The following RAPGEF2 variants were observed in gnomAD, a reference collection of about 807,000 sequenced individuals.
The protein encoded by RAPGEF2 is PDZ domain containing guanine nucleotide exchange factor (GEF) 1.
RAPGEF2 carries 54 observed loss-of-function variants against 186.7 expected under a neutral mutation model. The ratio of observed to expected loss-of-function variants is 0.29; its 90% CI spans 0.23 to 0.36. The LOEUF is 0.36. RAPGEF2 is among the 10% of genes least tolerant of loss of function. The pLI is 1.00. For missense variants in RAPGEF2, 1,532 were observed against 2,045.0 expected (o/e 0.75, Z 4.84); for synonymous variants, 712 against 705.9 (o/e 1.01, Z -0.14).
chr4:159,186,741 T>C (rs1747593046), intron 2 of RAPGEF2, 29 bp downstream of exon 2: 1 of 1,258,960 alleles, frequency 7.9e-7, no homozygotes, highest in Non-Finnish European at 1.1e-6. Flanking sequence ...CAGTTAATCA[T>C]AGAATGGTAA....
rs1344596193 is a variant in RAPGEF2, at chr4:159,343,009, G to C, written c.2949G>C (p.Leu983=). 1 of 1,613,970 alleles carries C rather than the reference G, an allele frequency of 6.2e-7. No individual in the cohort carries two copies. Among genetic ancestry groups the C allele is most frequent in the Non-Finnish European group, 8.5e-7 (1 of 1,179,932 alleles). ...TAAACCTGGCACCAGTGGCAAGACTGCGAACGACCTGGGAGAAACTTCCCA... is the reference window on the plus strand; with the variant it reads ...TAAACCTGGCACCAGTGGCAAGACTCCGAACGACCTGGGAGAAACTTCCCA... ...SGLNLAPVAR[L]RTTWEKLPNK... is the part of the protein sequence containing the mutation. The change falls in exon 21 of 30, where the codon CTG becomes CTC. Residue 983 remains leucine (L), a synonymous_variant. Coordinates refer to ENST00000691494, the MANE Select transcript of RAPGEF2 (RefSeq NM_001394067.2).
At chr4:159,339,556 A>G (rs1767937698) in intron 19 of RAPGEF2, among the ~76,000 whole-genome samples, 1 of 152,078 alleles carries the variant, frequency 6.6e-6, no homozygotes, top group Non-Finnish European at 1.5e-5. Context: ...GACCCTAACA[A>G]GGATCTCTTA....
intron 1 of RAPGEF2, among the ~76,000 whole-genome samples, chr4:159,131,519 A>ATTGGTTTTTTTTTTTTTTTTTTT: frequency 2.7e-5 from 1 of 37,212 alleles, no homozygotes; most frequent in African/African-American, 1.2e-4. Flanking sequence ...ATTAATTGCT[A>ATTGGTTTTTTTTTTTTTTTTTTT]TTTTTTTTTT....
At chr4:159,300,583 AATT>A (rs1762530315) in intron 7 of RAPGEF2, among the ~76,000 whole-genome samples, 1 of 152,128 alleles carries the variant, frequency 6.6e-6, no homozygotes, top group Non-Finnish European at 1.5e-5. Context: ...TAATTAACTT[AATT>A]ATTGATTTTA....
intron 9 of RAPGEF2, among the ~76,000 whole-genome samples, chr4:159,319,232 C>T (rs191858320): frequency 9.1e-4 from 139 of 152,212 alleles, no homozygotes; most frequent in East Asian, 7.7e-4. Flanking sequence ...CAGCAGGAGG[C>T]GAGTGAAAGG....
chr4:159,157,396 G>C (rs1420201456), intron 1 of RAPGEF2, among the ~76,000 whole-genome samples: 4 of 152,122 alleles, frequency 2.6e-5, no homozygotes, highest in South Asian at 2.1e-4. Flanking sequence ...AAGTGGGAGA[G>C]GAGGGGCATT....
In RAPGEF2 at chr4:159,303,955, T is replaced by C. The variant is rs77215028; in HGVS notation, c.544-387T>C. ...TTTGGGTATAAACGTAGCTTAAATG[T>C]GTTTTCTTGTTTAAACTGCTTTTTG... On this transcript the variant is annotated intron_variant, in intron 7 of 29. Coordinates refer to ENST00000691494, the MANE Select transcript of RAPGEF2 (RefSeq NM_001394067.2). Among the ~76,000 whole-genome samples, 341 of 152,296 alleles carry C rather than the reference T, an allele frequency of 2.2e-3. 8 individuals carry two copies. The East Asian group carries it at 0.056, about 25-fold the overall frequency.
intron 1 of RAPGEF2, among the ~76,000 whole-genome samples, chr4:159,149,025 T>C (rs1383340381): frequency 1.3e-5 from 2 of 152,210 alleles, no homozygotes; most frequent in Non-Finnish European, 2.9e-5. Context: ...ATCTTGCCTC[T>C]CTAAGGCTGG....
chr4:159,329,794 A>G (rs1304655884), intron 11 of RAPGEF2, 64 bp from the exon 12 acceptor site: 1 of 1,321,296 alleles, frequency 7.6e-7, no homozygotes, highest in African/African-American at 1.5e-5. Context: ...ACACTGAATT[A>G]TTAGTACTGC....
At chr4:159,117,221 A>C (rs751140402) in intron 1 of RAPGEF2, among the ~76,000 whole-genome samples, 9 of 152,130 alleles carry the variant, frequency 5.9e-5, no homozygotes, top group Non-Finnish European at 1.3e-4. Context: ...CAATGTTTCT[A>C]ATCTTCATTC....
intron 6 of RAPGEF2, 32 bp from the exon 7 acceptor site, chr4:159,243,742 C>T: frequency 7.9e-7 from 1 of 1,261,022 alleles, no homozygotes. Flanking sequence ...TCCTTTCCTC[C>T]TTTATGGCAC....
rs141602728 is a variant in RAPGEF2, at chr4:159,269,455, T to C, written c.543+25664T>C. ...AGAAAAAGACCAGCCCTAAACTTAA[T>C]TTCACTAGTAGGAAAGGTTGTTGTA... On this transcript the variant is annotated intron_variant, in intron 7 of 29. Coordinates refer to ENST00000691494, the MANE Select transcript of RAPGEF2 (RefSeq NM_001394067.2). 3.1e-3 allele frequency among the ~76,000 whole-genome samples: 471 copies of C among 152,190 alleles called. 3 individuals are homozygous for C. Among genetic ancestry groups the C allele is most frequent in the African/African-American group, 0.011 (443 of 41,524 alleles).
chr4:159,207,831 G>T (rs972041235), intron 3 of RAPGEF2, among the ~76,000 whole-genome samples: 1 of 151,996 alleles, frequency 6.6e-6, no homozygotes, highest in African/African-American at 2.4e-5. Context: ...AACTAGTTTT[G>T]GGTCTGGAAT....
chr4:159,342,640 C>T (rs1025945889), intron 20 of RAPGEF2, among the ~76,000 whole-genome samples: 3 of 131,002 alleles, frequency 2.3e-5, no homozygotes, highest in Admixed American at 8.3e-5. Flanking sequence ...TTTGCTCAGT[C>T]GGTTTTATCA....
At chr4:159,220,638 C>T (rs1326250521) in intron 4 of RAPGEF2, among the ~76,000 whole-genome samples, 2 of 152,142 alleles carry the variant, frequency 1.3e-5, no homozygotes, top group African/African-American at 4.8e-5. Flanking sequence ...CTGGGATATC[C>T]ACCACATTGT....
chr4:159,351,370 T>C (rs1378106429), intron 26 of RAPGEF2, among the ~76,000 whole-genome samples: 1 of 152,136 alleles, frequency 6.6e-6, no homozygotes, highest in Non-Finnish European at 1.5e-5. Context: ...TGCAGTGTGG[T>C]TTTATAAAAA....
chr4:159,313,778 C>CT (rs961536937), intron 8 of RAPGEF2, among the ~76,000 whole-genome samples: 1 of 152,016 alleles, frequency 6.6e-6, no homozygotes, highest in African/African-American at 2.4e-5. Flanking sequence ...TAATTGAAGT[C>CT]TAGGTATATA....
rs575170922 is a variant in RAPGEF2 at position 159,331,704 on chromosome 4, A to G, written c.1650A>G (p.Thr550=). The change falls in exon 15 of 30, where the codon ACA becomes ACG. Residue 550 remains threonine, a synonymous_variant. Transcript: ENST00000691494. The part of the protein sequence containing the change: ...AKAKRRLMTL[T]KPSREAPLPF... ...CAAAAAGAAGATTGATGACGTTAAC[A>G]AAACCATCCCGAGAAGCTCCTTTGC... 14 of 1,614,052 alleles carry G rather than the reference A, an allele frequency of 8.7e-6. No individual in the cohort carries two copies. In the South Asian group the frequency reaches 1.5e-4, roughly 18 times the overall value.
intron 7 of RAPGEF2, among the ~76,000 whole-genome samples, chr4:159,287,377 A>G (rs546209435): frequency 6.6e-6 from 1 of 152,158 alleles, no homozygotes; most frequent in Non-Finnish European, 1.5e-5. Flanking sequence ...CTTCTTAGGA[A>G]TTTTAGATGA....
Sources: gnomAD v4.1 joint callset for allele counts (sites outside exome capture counted in the v4.1 genomes callset) on GRCh38, gnomAD v4.1.1 for gene constraint, MANE v1.5 for transcripts, NCBI Gene and HGNC (gene_info 2026-07-23, HGNC 2026-07-21) for gene names.